The following RAB27A variants were observed in gnomAD, a reference collection of about 807,000 sequenced individuals.
RAB27A encodes RAB27A, member RAS oncogene family, also known as ras-related protein Rab-27A.
Under a neutral mutation model 20.8 loss-of-function variants are expected in RAB27A, and 17 were observed. The ratio of observed to expected loss-of-function variants is 0.82; its 90% CI spans 0.56 to 1.23. The LOEUF (loss-of-function observed/expected upper bound fraction) is 1.23. RAB27A is among the 50% of genes most tolerant of loss of function. RAB27A has a pLI of 0.00. For missense variants in RAB27A, 277 were observed against 266.7 expected, an observed-to-expected ratio of 1.04 and a Z score of -0.27; for synonymous variants, 85 against 92.8, an observed-to-expected ratio of 0.92 and a Z score of 0.48.
chr15:55,271,924 A>G (rs1897720202), intron 1 of RAB27A, among the ~76,000 whole-genome samples: 1 of 152,246 alleles, frequency 6.6e-6, no homozygotes, highest in African/African-American at 2.4e-5. Flanking sequence ...CTCATGGTAA[A>G]TGAAATGGAA....
chr15:55,289,259 G>C (rs952143779), intron 1 of RAB27A: 3 of 152,464 alleles, frequency 2.0e-5, no homozygotes, highest in Non-Finnish European at 2.9e-5. Context: ...CAGTCTAACT[G>C]ACAGGAGAAG....
chr15:55,314,051 C>G (rs2055032727), exon 2 of RAB27A: 1 of 153,362 alleles, frequency 6.5e-6, no homozygotes, highest in Non-Finnish European at 1.4e-5. Context: ...GTAATCCCAG[C>G]TGCTCGGGAG....
At chr15:55,235,595 T>C (rs1312777543) in intron 2 of RAB27A, among the ~76,000 whole-genome samples, 1 of 151,824 alleles carries the variant, frequency 6.6e-6, no homozygotes, top group Non-Finnish European at 1.5e-5. Context: ...GAACAAAAAC[T>C]AATACAAGAA....
chr15:55,233,768 G>A lies in RAB27A; in HGVS notation c.153+1014C>T, dbSNP rs180925740. On this transcript the variant is annotated intron_variant, in intron 3 of 6. Transcript: ENST00000336787. ...AACTCCGAATATATTAAAAACCACC[G>A]AATTTTATACTTTAGATGGATGGAT... Among the ~76,000 whole-genome samples, 23 of 152,182 alleles carry A rather than the reference G, an allele frequency of 1.5e-4. No homozygotes were observed. The East Asian group carries it at 3.9e-3, about 26-fold the overall frequency.
chr15:55,285,338 G>A (rs1326161391), intron 1 of RAB27A, among the ~76,000 whole-genome samples: 4 of 149,832 alleles, frequency 2.7e-5, no homozygotes, highest in African/African-American at 7.4e-5. Flanking sequence ...CAGGAAAGGA[G>A]GAACAAAACT....
intron 4 of RAB27A, among the ~76,000 whole-genome samples, chr15:55,229,003 T>C (rs546812842): frequency 1.3e-5 from 2 of 152,302 alleles, no homozygotes; most frequent in South Asian, 2.1e-4. Context: ...AAAAGCAATA[T>C]AGTGTATGTT....
intron 2 of RAB27A, among the ~76,000 whole-genome samples, chr15:55,262,466 C>T (rs771888592): frequency 1.2e-4 from 18 of 150,042 alleles, no homozygotes; most frequent in Admixed American, 2.0e-4. Context: ...GGCGTGAACC[C>T]GGGAGGCAGA....
rs114610580 is a variant in RAB27A at position 55,318,884 on chromosome 15, C to A, written c.-234+47G>T. The stretch of plus-strand genomic sequence containing the variant: ...CGAACCTGAAATGTTAACACCAACA[C>A]TGACGTCTACAATTACCGTTACCGT... On this transcript the variant is annotated intron_variant, in intron 1 of 5. Coordinates refer to the RAB27A transcript ENST00000563262. 1,335 of 201,118 alleles carry A rather than the reference C, an allele frequency of 6.6e-3. 16 individuals are homozygous for A. The highest frequency in any genetic ancestry group is 0.029 in the African/African-American group (1,249 of 42,938). 12.5% of individuals were successfully genotyped at this position (201,118 alleles called of 1,614,324 possible).
chr15:55,302,699 A>G (rs2054977994), intron 2 of RAB27A, among the ~76,000 whole-genome samples: 1 of 109,622 alleles, frequency 9.1e-6, no homozygotes, highest in East Asian at 3.5e-4. Context: ...CCATCGTCTG[A>G]GATGTGGGGA....
chr15:55,225,758 A>G (rs1895770702), intron 5 of RAB27A, among the ~76,000 whole-genome samples: 1 of 152,202 alleles, frequency 6.6e-6, no homozygotes, highest in African/African-American at 2.4e-5. Context: ...GTGCTTATCT[A>G]AAAAGCAAAT....
At chr15:55,254,441 C>G (rs1310292605) in intron 2 of RAB27A, among the ~76,000 whole-genome samples, 1 of 151,810 alleles carries the variant, frequency 6.6e-6, no homozygotes, top group Non-Finnish European at 1.5e-5. Context: ...TTTTATTTTT[C>G]TTTTAGAATC....
At position 55,233,907 on chromosome 15, in the gene RAB27A, C is replaced by T. The variant is rs549943442; in HGVS notation, c.153+875G>A. On this transcript the variant is annotated intron_variant, in intron 3 of 6. Transcript: ENST00000336787. ...AGATTCTATCAACTACACGTCAATA[C>T]TAAAAATTTCATTAGGGCCCTACTG... Among the ~76,000 whole-genome samples, 8 of 152,220 alleles carry T rather than the reference C, an allele frequency of 5.3e-5. No homozygotes were observed. In the East Asian group the frequency reaches 1.5e-3, roughly 29 times the overall value.
intron 2 of RAB27A, among the ~76,000 whole-genome samples, chr15:55,303,627 G>C (rs76504619): frequency 1.0e-5 from 1 of 97,470 alleles, no homozygotes; most frequent in Non-Finnish European, 2.1e-5. Flanking sequence ...TCGGCCCCCC[G>C]CCCGGCCAGC....
chr15:55,316,009 G>A (rs1294247447), intron 1 of RAB27A, among the ~76,000 whole-genome samples: 1 of 152,134 alleles, frequency 6.6e-6, no homozygotes, highest in Non-Finnish European at 1.5e-5. Context: ...CGAAGCAGGT[G>A]GATCACGAGG....
intron 2 of RAB27A, among the ~76,000 whole-genome samples, chr15:55,311,133 G>T (rs912203495): frequency 6.6e-6 from 1 of 152,166 alleles, no homozygotes; most frequent in Non-Finnish European, 1.5e-5. Context: ...ACCTGACTGA[G>T]ATACCAGAGA....
chr15:55,233,787 G>A lies in RAB27A; in HGVS notation c.153+995C>T, dbSNP rs147990922. Among the ~76,000 whole-genome samples, 215 of 152,262 alleles carry A rather than the reference G, an allele frequency of 1.4e-3. 1 individual carries two copies. The highest frequency in any genetic ancestry group is 5.0e-3 in the African/African-American group (206 of 41,536). On this transcript the variant is annotated intron_variant, in intron 3 of 6. Coordinates refer to ENST00000336787, the MANE Select transcript of RAB27A (RefSeq NM_183235.3). ...ACCACCGAATTTTATACTTTAGATG[G>A]ATGGATTTCCTTTTTTTGTGAATTA...
chr15:55,220,255 TTGTTTTTG>T (rs1177086130), intron 6 of RAB27A, among the ~76,000 whole-genome samples: 3 of 148,698 alleles, frequency 2.0e-5, no homozygotes, highest in African/African-American at 7.5e-5. Flanking sequence ...GTTTGTTTGT[TTGTTTTTG>T]TTTGTTTGTT....
At chr15:55,220,746 A>G (rs1895532401) in intron 6 of RAB27A, among the ~76,000 whole-genome samples, 1 of 152,238 alleles carries the variant, frequency 6.6e-6, no homozygotes, top group African/African-American at 2.4e-5. Context: ...ATGTGTAACC[A>G]GTGTAAATGT....
At chr15:55,210,433 G>A (rs1185084390) in intron 6 of RAB27A, among the ~76,000 whole-genome samples, 1 of 149,642 alleles carries the variant, frequency 6.7e-6, no homozygotes, top group Admixed American at 6.6e-5. Context: ...TTTGAGGGGG[G>A]GGGAATTACT....
Sources: gnomAD v4.1 joint callset for allele counts (sites outside exome capture counted in the v4.1 genomes callset) on GRCh38, gnomAD v4.1.1 for gene constraint, MANE v1.5 for transcripts, NCBI Gene and HGNC (gene_info 2026-07-23, HGNC 2026-07-21) for gene names.